Variants in GPR137B observed in about 807,000 individuals in gnomAD.
GPR137B encodes integral membrane protein GPR137B.
In GPR137B, 42 loss-of-function variants were observed where a neutral mutation model predicts 42.5. That is an observed-to-expected ratio of 0.99 (90% CI 0.77 to 1.28). The LOEUF is 1.28. GPR137B is among the 50% of genes most tolerant of loss of function. The pLI is 0.00. For missense variants in GPR137B, 487 were observed against 493.9 expected (o/e 0.99, Z 0.13); for synonymous variants, 218 against 209.7 (o/e 1.04, Z -0.34).
At chr1:236,158,169 A>G (rs1042193080) in intron 1 of GPR137B, among the ~76,000 whole-genome samples, 1 of 152,198 alleles carries the variant, frequency 6.6e-6, no homozygotes, top group East Asian at 1.9e-4. Context: ...TATGCCTGTA[A>G]TCCCAACACT....
At chr1:236,179,019 A>C (rs935414156) in intron 3 of GPR137B, among the ~76,000 whole-genome samples, 4 of 151,258 alleles carry the variant, frequency 2.6e-5, no homozygotes, top group Non-Finnish European at 5.9e-5. Context: ...GGATGGTCTC[A>C]ATCTCCTGAC....
chr1:236,173,028 C>T (rs1024558872), intron 2 of GPR137B, among the ~76,000 whole-genome samples: 2 of 151,036 alleles, frequency 1.3e-5, no homozygotes, highest in African/African-American at 4.9e-5. Flanking sequence ...AGCAGCGGCT[C>T]ATGTTTGTAA....
At chr1:236,175,224 A>C (rs975695746) in intron 2 of GPR137B, among the ~76,000 whole-genome samples, 6 of 152,024 alleles carry the variant, frequency 3.9e-5, no homozygotes, top group African/African-American at 1.4e-4. Context: ...AGAGAAAACA[A>C]ATTTTCTACT....
At position 236,153,257 on chromosome 1, in the gene GPR137B, G is replaced by T. The variant is rs989144642; in HGVS notation, c.414+10221G>T. ...TTATCACCCCCAAAGGAAACTTTAT[G>T]CCCATTAAGCAATCACTACTCAGTC... On this transcript the variant is annotated intron_variant, in intron 1 of 6. Transcript: ENST00000366592. Among the ~76,000 whole-genome samples the T allele has an allele frequency of 1.6e-4, 25 of 152,132 alleles. 1 individual carries two copies. The highest frequency in any genetic ancestry group is 1.2e-4 in the Non-Finnish European group (8 of 68,028).
chr1:236,193,785 G>A (rs773503491), intron 5 of GPR137B, among the ~76,000 whole-genome samples: 15 of 152,054 alleles, frequency 9.9e-5, no homozygotes, highest in Non-Finnish European at 1.8e-4. Flanking sequence ...CCCTTGTCAG[G>A]TATATGATTT....
At chr1:236,190,730 G>A (rs1045766223) in intron 5 of GPR137B, among the ~76,000 whole-genome samples, 1 of 152,138 alleles carries the variant, frequency 6.6e-6, no homozygotes, top group African/African-American at 2.4e-5. Context: ...TCCCTTTGTG[G>A]GTAACCCGAC....
intron 5 of GPR137B, among the ~76,000 whole-genome samples, chr1:236,185,096 CTG>C (rs1353128042): frequency 2.0e-5 from 3 of 152,162 alleles, no homozygotes; most frequent in Non-Finnish European, 4.4e-5. Flanking sequence ...CTGTGCTACA[CTG>C]TAGCTTTCTC....
At chr1:236,178,301 C>T (rs1343158108) in intron 2 of GPR137B, 113 bp from the exon 3 acceptor site, 2 of 680,732 alleles carry the variant, frequency 2.9e-6, no homozygotes, top group Admixed American at 2.5e-5. Context: ...AGTCCAAGCT[C>T]TTAAATGTCA....
chr1:236,160,130 A>G (rs922191640), intron 1 of GPR137B, among the ~76,000 whole-genome samples: 3 of 152,276 alleles, frequency 2.0e-5, no homozygotes, highest in Non-Finnish European at 4.4e-5. Flanking sequence ...TATTTTCACC[A>G]GATGACAAAC....
intron 5 of GPR137B, among the ~76,000 whole-genome samples, chr1:236,189,308 G>A (rs558480959): frequency 5.3e-5 from 8 of 151,950 alleles, no homozygotes; most frequent in Non-Finnish European, 8.8e-5. Context: ...AGGGTTTTTC[G>A]TGTCTCTATC....
chr1:236,173,802 C>T (rs1437030788), intron 2 of GPR137B, among the ~76,000 whole-genome samples: 1 of 152,108 alleles, frequency 6.6e-6, no homozygotes, highest in Non-Finnish European at 1.5e-5. Context: ...TTTATTCTGG[C>T]CTCCTTTGAA....
At chr1:236,149,407 G>A (rs921980035) in intron 1 of GPR137B, among the ~76,000 whole-genome samples, 15 of 152,158 alleles carry the variant, frequency 9.9e-5, no homozygotes, top group Admixed American at 5.2e-4. Context: ...TGACCGATCC[G>A]TGCTTGCTAC....
chr1:236,164,868 T>C (rs1053221394), intron 1 of GPR137B, among the ~76,000 whole-genome samples: 4 of 150,244 alleles, frequency 2.7e-5, no homozygotes, highest in African/African-American at 9.8e-5. Flanking sequence ...ACAGCTTGAA[T>C]AGTGCCCAGA....
chr1:236,159,801 C>T lies in GPR137B; in HGVS notation c.415-8905C>T, dbSNP rs143407095. 2.5e-3 allele frequency among the ~76,000 whole-genome samples: 379 copies of T among 152,292 alleles called. 2 individuals are homozygous for T. Among genetic ancestry groups the T allele is most frequent in the African/African-American group, 8.9e-3 (370 of 41,554 alleles). On this transcript the variant is annotated intron_variant, in intron 1 of 6. Transcript: ENST00000366592. ...GAGCTCTAGGCCTTCCTGTGTCATCCGAAAGGATGGGGTGAAGGCCTGGGT... is the reference window on the plus strand; with the variant it reads ...GAGCTCTAGGCCTTCCTGTGTCATCTGAAAGGATGGGGTGAAGGCCTGGGT...
chr1:236,157,593 A>G (rs988814655), intron 1 of GPR137B, among the ~76,000 whole-genome samples: 1 of 152,164 alleles, frequency 6.6e-6, no homozygotes, highest in Non-Finnish European at 1.5e-5. Flanking sequence ...CCTGTTATAT[A>G]GGAGTAGCGT....
intron 5 of GPR137B, among the ~76,000 whole-genome samples, chr1:236,197,166 G>A (rs1401983310): frequency 6.6e-6 from 1 of 152,070 alleles, no homozygotes; most frequent in Non-Finnish European, 1.5e-5. Flanking sequence ...CATGTTTGTT[G>A]GCCATATGGA....
Position 236,171,557 on chromosome 1 carries a change from A to G in GPR137B, c.464+2802A>G, listed in dbSNP as rs1186944313. ...AAGGAAATTGTTTAAAAAGCTTTCA[A>G]CCTCTGAGCACGGGGACTGGGGTCT... On this transcript the variant is annotated intron_variant, in intron 2 of 6. Transcript: ENST00000366592. The surrounding 1 kb of genome is among the most constrained non-coding windows in gnomAD (Gnocchi z 4.4). 6.6e-6 allele frequency among the ~76,000 whole-genome samples: 1 copy of G among 152,182 alleles called. No individual in the cohort carries two copies. The highest frequency in any genetic ancestry group is 1.5e-5 in the Non-Finnish European group (1 of 68,038).
At chr1:236,173,297 A>G (rs1571983481) in intron 2 of GPR137B, among the ~76,000 whole-genome samples, 1 of 151,392 alleles carries the variant, frequency 6.6e-6, no homozygotes, top group Non-Finnish European at 1.5e-5. Context: ...TCTCAAAAAA[A>G]AAAAAAAAGA....
intron 5 of GPR137B, among the ~76,000 whole-genome samples, chr1:236,203,091 G>T (rs1168155149): frequency 6.6e-6 from 1 of 151,548 alleles, no homozygotes; most frequent in Non-Finnish European, 1.5e-5. Context: ...TTTCTTTTTT[G>T]TTTTGAGACA....
Sources: gnomAD v4.1 joint callset for allele counts (sites outside exome capture counted in the v4.1 genomes callset) on GRCh38, gnomAD v4.1.1 for gene constraint, Gnocchi (gnomAD v3.1) non-coding constraint, MANE v1.5 for transcripts, NCBI Gene and HGNC (gene_info 2026-07-23, HGNC 2026-07-21) for gene names.